ARHGAP23: variants seen among roughly 807,000 people sequenced by gnomAD.
The protein encoded by ARHGAP23 is Rho GTPase activating protein 23.
A neutral mutation model predicts 136.3 loss-of-function variants in ARHGAP23; 34 were observed. The observed-to-expected ratio is 0.25, with a 90% CI of 0.19 to 0.33. ARHGAP23 has a LOEUF of 0.33. Among genes scored for constraint, ARHGAP23 ranks in the 10% least tolerant of loss-of-function variants. The pLI is 1.00. For synonymous variants in ARHGAP23, 832 were observed against 920.5 expected (o/e 0.90, Z 1.74); for missense variants, 1,808 against 2,139.0 (o/e 0.85, Z 3.05).
chr17:38,471,520 T>G (rs1421856482), intron 10 of ARHGAP23, among the ~76,000 whole-genome samples: 1 of 152,220 alleles, frequency 6.6e-6, no homozygotes, highest in Admixed American at 6.5e-5. Context: ...CTTCCCCTGT[T>G]TATTTAACTC....
chr17:38,503,069 CA>C (rs1304242761), intron 23 of ARHGAP23, among the ~76,000 whole-genome samples: 1 of 152,092 alleles, frequency 6.6e-6, no homozygotes, highest in East Asian at 1.9e-4. Flanking sequence ...AACAAACAAA[CA>C]AAAAAAGACG....
intron 17 of ARHGAP23, among the ~76,000 whole-genome samples, chr17:38,487,115 C>T (rs1211972702): frequency 1.3e-5 from 2 of 152,210 alleles, no homozygotes; most frequent in African/African-American, 4.8e-5. Context: ...GGAAGAGAGG[C>T]ACACAGTCGC....
chr17:38,431,563 G>A (rs1380946368), intron 1 of ARHGAP23, among the ~76,000 whole-genome samples: 1 of 152,180 alleles, frequency 6.6e-6, no homozygotes, highest in Non-Finnish European at 1.5e-5. Context: ...AATTGTGCCA[G>A]TTTGTCAGCA....
In ARHGAP23 at chr17:38,466,985, T is replaced by C. The variant is rs2144650629; in HGVS notation, c.1302T>C (p.His434=). The change falls in exon 7 of 24, where the codon CAT becomes CAC. Residue 434 remains histidine (H), a synonymous_variant. Transcript: ENST00000622683. ...PSFQRRTGLL[H]ALSFRDSPFG... ...TCCAGCGCCGGACCGGCCTCCTCCA[T>C]GCGCTCTCCTTCCGGGACTCACCCT... 1 of 1,550,600 alleles carries C rather than the reference T, an allele frequency of 6.4e-7. No homozygotes were observed. The highest frequency in any genetic ancestry group is 8.7e-7 in the Non-Finnish European group (1 of 1,146,950).
At chr17:38,423,067 G>A (rs2038534630) in intron 1 of ARHGAP23, among the ~76,000 whole-genome samples, 1 of 152,108 alleles carries the variant, frequency 6.6e-6, no homozygotes, top group Non-Finnish European at 1.5e-5. Context: ...GCTCAACACT[G>A]TGCTTGCACC....
upstream of ARHGAP23, chr17:38,428,268 G>C: frequency 4.2e-6 from 1 of 236,492 alleles, no homozygotes; most frequent in Non-Finnish European, 7.9e-6. Flanking sequence ...GCTCGCCTCT[G>C]CCTCAGCCCG....
intron 1 of ARHGAP23, among the ~76,000 whole-genome samples, chr17:38,440,809 C>G (rs983708792): frequency 6.6e-6 from 1 of 152,106 alleles, no homozygotes; most frequent in African/African-American, 2.4e-5. Flanking sequence ...ATCTAGAGGC[C>G]GGGACTGGGG....
chr17:38,501,299 T>TTTTA (rs1188405906), intron 23 of ARHGAP23, among the ~76,000 whole-genome samples: 1 of 147,244 alleles, frequency 6.8e-6, no homozygotes, highest in African/African-American at 2.5e-5. Context: ...ATTTTTTATT[T>TTTTA]TTTATTTATT....
chr17:38,493,271 G>T (rs1211136836), intron 20 of ARHGAP23, among the ~76,000 whole-genome samples: 4 of 150,574 alleles, frequency 2.7e-5, no homozygotes, highest in Admixed American at 1.3e-4. Flanking sequence ...GGGCAGATAC[G>T]GCCCACTTCC....
intron 1 of ARHGAP23, among the ~76,000 whole-genome samples, chr17:38,421,043 C>G (rs949651390): frequency 7.2e-5 from 11 of 152,140 alleles, no homozygotes; most frequent in Non-Finnish European, 1.3e-4. Context: ...GCCCATCTGC[C>G]CATCATTGGC....
chr17:38,457,767 C>T (rs2039363171), intron 1 of ARHGAP23: 2 of 405,998 alleles, frequency 4.9e-6, no homozygotes, highest in Admixed American at 4.3e-5. Flanking sequence ...AGGCTGTATC[C>T]AGGGTCCTGC....
intron 11 of ARHGAP23, among the ~76,000 whole-genome samples, chr17:38,472,613 T>C (rs2039789231): frequency 6.6e-6 from 1 of 152,086 alleles, no homozygotes; most frequent in African/African-American, 2.4e-5. Flanking sequence ...AGCAGGACTC[T>C]GAGAGGAGAA....
intron 16 of ARHGAP23, among the ~76,000 whole-genome samples, chr17:38,485,616 C>T (rs189072536): frequency 3.3e-5 from 5 of 152,196 alleles, no homozygotes; most frequent in African/African-American, 9.6e-5. Context: ...CTTTGAAGAG[C>T]GACTTTTAGG....
intron 20 of ARHGAP23, 40 bp downstream of exon 20, chr17:38,491,572 G>T (rs1358446254): frequency 1.9e-6 from 3 of 1,548,572 alleles, no homozygotes; most frequent in African/African-American, 1.4e-5. Context: ...AGCCCCTGGG[G>T]CCCAGGCCAT....
intron 1 of ARHGAP23, among the ~76,000 whole-genome samples, chr17:38,452,880 T>C (rs555575406): frequency 9.8e-5 from 15 of 152,320 alleles, no homozygotes; most frequent in African/African-American, 3.6e-4. Context: ...TGAATGATTG[T>C]CAGCTTGTAG....
chr17:38,459,352 A>T (rs1416019734), intron 2 of ARHGAP23, among the ~76,000 whole-genome samples: 1 of 152,166 alleles, frequency 6.6e-6, no homozygotes, highest in Non-Finnish European at 1.5e-5. Flanking sequence ...AATACATGTC[A>T]TGTGTACATG....
rs144891208 is a variant in ARHGAP23, at chr17:38,505,824, C to T, written c.3448-4120C>T. On this transcript the variant is annotated intron_variant, in intron 23 of 23. Transcript: ENST00000622683. ...ACGCCTGTAATCCCAGCTACTCAGG[C>T]GGCTGAGGCAGGAGAATCGCTTGAA... Among the ~76,000 whole-genome samples, 1,224 of 152,192 alleles carry T rather than the reference C, an allele frequency of 8.0e-3. 16 individuals are homozygous for T. Among genetic ancestry groups the T allele is most frequent in the African/African-American group, 0.028 (1,155 of 41,504 alleles).
chr17:38,449,998 C>T (rs950228205), intron 1 of ARHGAP23, among the ~76,000 whole-genome samples: 1 of 152,232 alleles, frequency 6.6e-6, no homozygotes. Context: ...CTTGCTTCTA[C>T]TCCTCCAGTC....
chr17:38,457,944 G>C, intron 1 of ARHGAP23, 158 bp from the exon 2 acceptor site: 4 of 763,176 alleles, frequency 5.2e-6, no homozygotes, highest in Non-Finnish European at 8.3e-6. Flanking sequence ...GTAAGGAAGG[G>C]GTGAGGAGGA....
Sources: allele counts gnomAD v4.1 joint callset (sites outside exome capture counted in the v4.1 genomes callset), GRCh38; gene constraint gnomAD v4.1.1; transcripts MANE v1.5; gene names NCBI Gene and HGNC (gene_info 2026-07-23, HGNC 2026-07-21).